The following ARHGAP26 variants were observed in gnomAD, a reference collection of about 807,000 sequenced individuals.
ARHGAP26 encodes the protein rho GTPase-activating protein 26.
In ARHGAP26, 38 loss-of-function variants were observed where a neutral mutation model predicts 104.8. That is an observed-to-expected ratio of 0.36 (90% CI 0.28 to 0.48). The LOEUF is 0.48. Among genes scored for constraint, ARHGAP26 ranks in the 20% least tolerant of loss-of-function variants. The pLI is 0.99. For synonymous variants in ARHGAP26, 341 were observed against 340.0 expected, an observed-to-expected ratio of 1.00 and a Z score of -0.03; for missense variants, 704 against 947.9, an observed-to-expected ratio of 0.74 and a Z score of 3.38.
intron 1 of ARHGAP26, among the ~76,000 whole-genome samples, chr5:142,801,754 C>T (rs377159524): frequency 2.6e-4 from 40 of 151,698 alleles, no homozygotes; most frequent in African/African-American, 8.9e-4. Context: ...CAACTGTTTT[C>T]CTTGCAAGGA....
At chr5:142,786,343 C>G (rs1488387368) in intron 1 of ARHGAP26, among the ~76,000 whole-genome samples, 1 of 152,016 alleles carries the variant, frequency 6.6e-6, no homozygotes, top group Non-Finnish European at 1.5e-5. Flanking sequence ...ATCACCCAGG[C>G]TGGAATGCAG....
At chr5:143,025,283 C>T (rs1330542280) in intron 12 of ARHGAP26, among the ~76,000 whole-genome samples, 1 of 152,178 alleles carries the variant, frequency 6.6e-6, no homozygotes, top group Non-Finnish European at 1.5e-5. Context: ...CACCAGGGCT[C>T]AAATCTTAGG....
intron 11 of ARHGAP26, among the ~76,000 whole-genome samples, chr5:142,933,094 G>C (rs1241224080): frequency 6.6e-6 from 1 of 152,158 alleles, no homozygotes; most frequent in Non-Finnish European, 1.5e-5. Context: ...TAAAATATAA[G>C]ATAGCTCTGA....
At chr5:143,172,844 G>C (rs1562550244) in intron 20 of ARHGAP26, 1 of 163,908 alleles carries the variant, frequency 6.1e-6, no homozygotes, top group Admixed American at 6.4e-5. Context: ...TCTAAATTGA[G>C]GTCTGTGGGA....
intron 19 of ARHGAP26, among the ~76,000 whole-genome samples, chr5:143,138,209 A>G (rs960668143): frequency 6.6e-6 from 1 of 152,196 alleles, no homozygotes; most frequent in African/African-American, 2.4e-5. Context: ...TATTCTCAGA[A>G]TGAGGAGCTT....
intron 22 of ARHGAP26, among the ~76,000 whole-genome samples, chr5:143,218,764 A>G (rs1170473270): frequency 6.6e-6 from 1 of 152,354 alleles, no homozygotes; most frequent in South Asian, 2.1e-4. Context: ...AGTGTTGCAC[A>G]TTGGCGCCAT....
chr5:143,064,713 G>A (rs1171458134), intron 17 of ARHGAP26, among the ~76,000 whole-genome samples: 3 of 152,112 alleles, frequency 2.0e-5, no homozygotes, highest in African/African-American at 7.2e-5. Flanking sequence ...TAGCCTCACC[G>A]CCAGACCTTT....
At chr5:142,861,715 C>T (rs1374762835) in intron 1 of ARHGAP26, among the ~76,000 whole-genome samples, 1 of 152,196 alleles carries the variant, frequency 6.6e-6, no homozygotes, top group Non-Finnish European at 1.5e-5. Context: ...CGGCCAGGCC[C>T]TGTGCTAAGC....
intron 5 of ARHGAP26, among the ~76,000 whole-genome samples, chr5:142,886,953 G>C (rs998554328): frequency 6.6e-6 from 1 of 152,232 alleles, no homozygotes; most frequent in African/African-American, 2.4e-5. Flanking sequence ...ACAGTGACCA[G>C]GTCTGCCCAG....
chr5:143,142,799 T>C (rs551219329), intron 19 of ARHGAP26, among the ~76,000 whole-genome samples: 55 of 152,344 alleles, frequency 3.6e-4, no homozygotes, highest in Middle Eastern at 3.4e-3. Context: ...TAAGCTGCTG[T>C]GCTATTATCA....
intron 1 of ARHGAP26, among the ~76,000 whole-genome samples, chr5:142,799,356 G>A (rs777797331): frequency 2.4e-4 from 37 of 152,266 alleles, no homozygotes; most frequent in Non-Finnish European, 4.3e-4. Context: ...AGTAGTTTGC[G>A]TGGTGCCTGG....
intron 17 of ARHGAP26, among the ~76,000 whole-genome samples, chr5:143,099,737 T>C (rs1255595266): frequency 6.6e-6 from 1 of 151,848 alleles, no homozygotes; most frequent in Non-Finnish European, 1.5e-5. Context: ...TTAGCTAGAG[T>C]GGTGGCAATA....
intron 1 of ARHGAP26, among the ~76,000 whole-genome samples, chr5:142,801,221 C>T (rs1210727130): frequency 2.0e-5 from 3 of 152,208 alleles, no homozygotes; most frequent in Admixed American, 6.5e-5. Flanking sequence ...GAGCTTTTTG[C>T]ATTGTGTTTT....
intron 19 of ARHGAP26, among the ~76,000 whole-genome samples, chr5:143,143,405 C>T (rs1798790875): frequency 6.6e-6 from 1 of 152,144 alleles, no homozygotes; most frequent in Admixed American, 6.5e-5. Flanking sequence ...TCCCAGATTT[C>T]CATGGCAACC....
At chr5:142,814,902 T>C (rs551744087) in intron 1 of ARHGAP26, among the ~76,000 whole-genome samples, 1 of 152,352 alleles carries the variant, frequency 6.6e-6, no homozygotes, top group East Asian at 1.9e-4. Context: ...TAGCCTCTGC[T>C]CTTGTTATCA....
intron 20 of ARHGAP26, among the ~76,000 whole-genome samples, chr5:143,192,259 C>T (rs541132674): frequency 2.0e-5 from 3 of 152,244 alleles, no homozygotes; most frequent in South Asian, 4.1e-4. Flanking sequence ...GGAAGGAGGT[C>T]GCATTTGAAA....
At chr5:143,085,384 T>C (rs540367269) in intron 17 of ARHGAP26, among the ~76,000 whole-genome samples, 2 of 151,918 alleles carry the variant, frequency 1.3e-5, no homozygotes, top group Non-Finnish European at 1.5e-5. Flanking sequence ...GTGGGTAATG[T>C]AAAGAAATTG....
At chr5:142,921,360 G>A (rs1005063162) in intron 10 of ARHGAP26, among the ~76,000 whole-genome samples, 2 of 152,158 alleles carry the variant, frequency 1.3e-5, no homozygotes, top group Non-Finnish European at 2.9e-5. Flanking sequence ...TGTGCATATG[G>A]CTGTTCAATT....
At chr5:143,211,466 G>A (rs1034083569) in intron 21 of ARHGAP26, among the ~76,000 whole-genome samples, 2 of 152,080 alleles carry the variant, frequency 1.3e-5, no homozygotes, top group African/African-American at 4.8e-5. Flanking sequence ...TCCTAAAGCA[G>A]TAGAGGGAGA....
Sources: gnomAD v4.1 joint callset for allele counts (sites outside exome capture counted in the v4.1 genomes callset) on GRCh38, gnomAD v4.1.1 for gene constraint, MANE v1.5 for transcripts, NCBI Gene and HGNC (gene_info 2026-07-23, HGNC 2026-07-21) for gene names.